Variants in FAM118B observed in about 807,000 individuals in gnomAD.
FAM118B encodes the protein protein FAM118B.
FAM118B carries 24 observed loss-of-function variants against 38.5 expected under a neutral mutation model. That is an observed-to-expected ratio of 0.62 (90% confidence interval 0.45 to 0.88). FAM118B has a LOEUF of 0.88. FAM118B is among the 40% of genes least tolerant of loss of function. The pLI is 0.00. For synonymous variants in FAM118B, 138 were observed against 156.3 expected, an observed-to-expected ratio of 0.88 and a Z score of 0.87; for missense variants, 334 against 420.0, an observed-to-expected ratio of 0.80 and a Z score of 1.79.
At chr11:126,243,531 CTCAACAAAGT>C (rs943523123) in intron 4 of FAM118B, among the ~76,000 whole-genome samples, 8 of 151,804 alleles carry the variant, frequency 5.3e-5, no homozygotes, top group Non-Finnish European at 1.0e-4. Flanking sequence ...CACAAAAATC[CTCAACAAAGT>C]ACAACCAGAC....
Position 126,244,633 on chromosome 11 carries a change from G to A in FAM118B, c.339+3589G>A, listed in dbSNP as rs1252618538. The stretch of plus-strand genomic sequence containing the variant: ...AGCCTGGCCAACATGGTGAAACCCC[G>A]TCTCTACTAAAAATACAAAAATTAG... On this transcript the variant is annotated intron_variant, in intron 4 of 8. Coordinates refer to ENST00000533050, the MANE Select transcript of FAM118B (RefSeq NM_024556.4). The surrounding 1 kb of genome is among the most constrained non-coding windows in gnomAD (Gnocchi z 4.5). Among the ~76,000 whole-genome samples the A allele has an allele frequency of 2.6e-5, 4 of 151,980 alleles. No individual in the cohort carries two copies. Among genetic ancestry groups the A allele is most frequent in the Admixed American group, 1.3e-4 (2 of 15,238 alleles).
intron 3 of FAM118B, among the ~76,000 whole-genome samples, chr11:126,238,621 G>A (rs1026853339): frequency 1.3e-5 from 2 of 152,162 alleles, no homozygotes; most frequent in Non-Finnish European, 2.9e-5. Context: ...GCTGTGTGCA[G>A]TGTTCTCAGA....
chr11:126,227,589 TTTAA>T (rs1950159318), intron 1 of FAM118B, among the ~76,000 whole-genome samples: 2 of 152,168 alleles, frequency 1.3e-5, no homozygotes, highest in Admixed American at 1.3e-4. Context: ...TTATTTTCCT[TTTAA>T]TTCTAAGAAT....
chr11:126,254,400 A>C lies in FAM118B; in HGVS notation c.663A>C (p.Gly221=), dbSNP rs376719473. 6.5e-5 allele frequency: 105 copies of C among 1,614,220 alleles called. No individual in the cohort carries two copies. The highest frequency in any genetic ancestry group is 3.6e-4 in the East Asian group (16 of 44,892). The part of the protein sequence containing the change: ...NPSGIVLHPA[G]YQNVLRNTEV... ...GTGGCATTGTCCTTCATCCGGCTGG[A>C]TATCAGAACGTGCTCAGGAACACTG... is the stretch of plus-strand genomic sequence containing the variant. Residue 221 remains glycine (G), a synonymous_variant, in exon 6 of 9, where the codon GGA becomes GGC. Transcript: ENST00000533050.
rs1333395864 is a variant in FAM118B, at chr11:126,214,568, C to A, written c.-77+2738C>A. Reference sequence around the variant, plus strand: ...CCTCCCTGTTCCTCATTCAGCTGGTCCTTTTTTAGGCAGTTCACTTTTCCA... The same window carrying A: ...CCTCCCTGTTCCTCATTCAGCTGGTACTTTTTTAGGCAGTTCACTTTTCCA... On this transcript the variant is annotated intron_variant, in intron 1 of 8. Transcript: ENST00000533050. The A allele has an allele frequency of 4.7e-5, 6 of 127,906 alleles. No individual in the cohort carries two copies. In the Admixed American group the frequency reaches 4.7e-4, roughly 10 times the overall value. The allele number at this position is 127,906 out of a possible 1,614,324, so 7.9% of individuals were successfully genotyped here. A position where few individuals can be genotyped will look rare whatever the true frequency, so the allele number is the denominator to read the frequency against.
intron 1 of FAM118B, among the ~76,000 whole-genome samples, chr11:126,214,022 T>C (rs1388492677): frequency 3.3e-5 from 5 of 152,230 alleles, no homozygotes; most frequent in African/African-American, 1.2e-4. Flanking sequence ...GTCTAGGCAC[T>C]TGGTGATTTA....
rs764418026 is a variant in FAM118B at position 126,250,521 on chromosome 11, C to T, written c.355C>T (p.Arg119Ter). Reference protein sequence around the residue: ...QKLSPRTSNVRSTFFKDCLYE... With the variant: ...QKLSPRTSNV ...CCCTCCTCAGCGTACCAGTAATGTT[C>T]GATCCACATTTTTCAAGGACTGTTT... The change falls in exon 5 of 9, where the codon CGA becomes TGA. Residue 119 changes from arginine to a stop codon, truncating the protein, a stop_gained. Transcript: ENST00000533050. LOFTEE classifies it high-confidence loss of function. The surrounding 1 kb of genome is among the most constrained non-coding windows in gnomAD (Gnocchi z 5.1). The T allele has an allele frequency of 1.2e-5, 19 of 1,612,932 alleles. No homozygotes were observed. The highest frequency in any genetic ancestry group is 2.2e-5 in the South Asian group (2 of 91,028).
chr11:126,215,696 CA>C (rs56687894), intron 1 of FAM118B, among the ~76,000 whole-genome samples: 1,290 of 93,908 alleles, frequency 0.014, 21 homozygotes, highest in African/African-American at 0.051. Context: ...GACTCCGTCT[CA>C]AAAAAAAAAA....
At position 126,227,869 on chromosome 11, in the gene FAM118B, G is replaced by T. The variant is rs142501858; in HGVS notation, c.-76-1356G>T. On this transcript the variant is annotated intron_variant, in intron 1 of 8. Transcript: ENST00000533050. ...GGCTGGAGTGCAGTGGCATGATCAT[G>T]GTTCACTGCAGCCTTGATTTCCCAG... Among the ~76,000 whole-genome samples the T allele has an allele frequency of 1.8e-3, 264 of 147,064 alleles. 1 individual carries two copies. The highest frequency in any genetic ancestry group is 3.3e-3 in the South Asian group (15 of 4,544).
At chr11:126,258,655 CTGT>C (rs1253019569) in intron 7 of FAM118B, among the ~76,000 whole-genome samples, 3 of 152,222 alleles carry the variant, frequency 2.0e-5, no homozygotes, top group South Asian at 2.1e-4. Context: ...GACTCTCCTG[CTGT>C]TGTTTGCCCA....
intron 6 of FAM118B, among the ~76,000 whole-genome samples, chr11:126,254,741 A>T (rs1950550709): frequency 6.6e-6 from 1 of 152,200 alleles, no homozygotes; most frequent in South Asian, 2.1e-4. Flanking sequence ...CAGGAAGATT[A>T]GTTGAGACTA....
intron 1 of FAM118B, among the ~76,000 whole-genome samples, chr11:126,223,581 G>GC (rs1950096850): frequency 7.4e-6 from 1 of 135,698 alleles, no homozygotes; most frequent in African/African-American, 2.8e-5. Flanking sequence ...GGGCGAAAGA[G>GC]CGAAAAAAAA....
chr11:126,225,051 T>C (rs1950122273), intron 1 of FAM118B, among the ~76,000 whole-genome samples: 1 of 152,210 alleles, frequency 6.6e-6, no homozygotes, highest in South Asian at 2.1e-4. Context: ...CTGAAGACTT[T>C]TGCCATTCCA....
At chr11:126,221,212 C>T (rs1950058784) in intron 1 of FAM118B, among the ~76,000 whole-genome samples, 1 of 152,104 alleles carries the variant, frequency 6.6e-6, no homozygotes, top group African/African-American at 2.4e-5. Flanking sequence ...TAATTTTTGG[C>T]TAATTTTTAT....
chr11:126,256,495 AT>A lies in FAM118B; in HGVS notation c.697-71del. 1 of 1,455,456 alleles carries A rather than the reference AT, an allele frequency of 6.9e-7. No homozygotes were observed. The highest frequency in any genetic ancestry group is 9.4e-7 in the Non-Finnish European group (1 of 1,059,282). 90.2% of individuals were successfully genotyped at this position (1,455,456 alleles called of 1,614,324 possible). A position where few individuals can be genotyped will look rare whatever the true frequency, so the allele number is the denominator to read the frequency against. On this transcript the variant is annotated intron_variant, in intron 6 of 8. Transcript: ENST00000533050. This position sits in a 1 kb window ranked among gnomAD's most constrained non-coding sequence, Gnocchi z 6.6. ...GTCATCACAGTCTGCTCAACGTAGCATGACCTTCTTGTTTCAGACTTGCCTT... is the reference window on the plus strand; with the variant it reads ...GTCATCACAGTCTGCTCAACGTAGCAGACCTTCTTGTTTCAGACTTGCCTT...
chr11:126,246,579 C>T (rs530955307), intron 4 of FAM118B, among the ~76,000 whole-genome samples: 3 of 152,164 alleles, frequency 2.0e-5, no homozygotes, highest in South Asian at 2.1e-4. Flanking sequence ...AACCCTGGGG[C>T]GGGAGGCGGT....
chr11:126,261,414 C>A lies in FAM118B; in HGVS notation c.983-11C>A, dbSNP rs1313790652. 1 of 1,612,782 alleles carries A rather than the reference C, an allele frequency of 6.2e-7. No homozygotes were observed. The highest frequency in any genetic ancestry group is 8.5e-7 in the Non-Finnish European group (1 of 1,178,870). On this transcript the variant is annotated splice_polypyrimidine_tract_variant and intron_variant, in intron 7 of 8. Transcript: ENST00000533050. ...TCAGTCTAATGTCTGATGCTGATGT[C>A]CTCTATTTAGCAGGGATGGTGAGAG...
chr11:126,229,621 T>A (rs1950183900), intron 2 of FAM118B, among the ~76,000 whole-genome samples: 1 of 152,238 alleles, frequency 6.6e-6, no homozygotes, highest in African/African-American at 2.4e-5. Flanking sequence ...TTTTGTATTT[T>A]TAGTAGAGAC....
intron 2 of FAM118B, among the ~76,000 whole-genome samples, chr11:126,232,586 G>A (rs924225493): frequency 1.3e-5 from 2 of 151,502 alleles, no homozygotes. Context: ...CATGTCATCT[G>A]TTTAGATGAT....
Sources: allele counts gnomAD v4.1 joint callset (sites outside exome capture counted in the v4.1 genomes callset), GRCh38; gene constraint gnomAD v4.1.1; non-coding constraint Gnocchi (gnomAD v3.1); transcripts MANE v1.5; gene names NCBI Gene and HGNC (gene_info 2026-07-23, HGNC 2026-07-21).